KIF26B: variants seen among roughly 807,000 people sequenced by gnomAD.
KIF26B encodes kinesin family member 26B, also known as kinesin-like protein KIF26B.
KIF26B carries 63 observed loss-of-function variants against 151.2 expected under a neutral mutation model. The observed-to-expected ratio is 0.42, with a 90% CI of 0.34 to 0.51. The LOEUF (loss-of-function observed/expected upper bound fraction) is 0.51, where lower values mean the gene tolerates loss of function less well. Among genes scored for constraint, KIF26B ranks in the 20% least tolerant of loss-of-function variants. The pLI, the probability that KIF26B is intolerant of heterozygous loss-of-function variation, is 0.07. For synonymous variants in KIF26B, 1,357 were observed against 1,262.1 expected (o/e 1.08, Z -1.59); for missense variants, 2,813 against 2,913.6 (o/e 0.97, Z 0.79).
intron 5 of KIF26B, among the ~76,000 whole-genome samples, chr1:245,569,798 A>T (rs1234340020): frequency 6.7e-6 from 1 of 150,166 alleles, no homozygotes; most frequent in Non-Finnish European, 1.5e-5. Flanking sequence ...TCTCAAACAA[A>T]ACAAACAAAC....
chr1:245,173,656 C>T (rs981820982), intron 2 of KIF26B, among the ~76,000 whole-genome samples: 6 of 152,202 alleles, frequency 3.9e-5, no homozygotes, highest in African/African-American at 1.4e-4. Context: ...TCCTGCTCCC[C>T]GGCCTCCCTG....
In KIF26B at chr1:245,457,138, T is replaced by C. The variant is rs528318749; in HGVS notation, c.1166+37393T>C. ...GCCTCGGCCTCCCAAAGTGCTGGGA[T>C]TACAGGCATGAGCCACTGCACCCAG... On this transcript the variant is annotated intron_variant, in intron 4 of 14. Transcript: ENST00000407071. Among the ~76,000 whole-genome samples the C allele has an allele frequency of 1.8e-3, 272 of 152,274 alleles. 2 individuals carry two copies. Among genetic ancestry groups the C allele is most frequent in the Non-Finnish European group, 3.3e-3 (226 of 68,036 alleles).
At chr1:245,630,964 A>G (rs2043775016) in intron 9 of KIF26B, among the ~76,000 whole-genome samples, 1 of 152,136 alleles carries the variant, frequency 6.6e-6, no homozygotes, top group Admixed American at 6.5e-5. Context: ...GCTGGTGTGT[A>G]GAAACACTAC....
intron 3 of KIF26B, among the ~76,000 whole-genome samples, chr1:245,411,755 A>T (rs1023858789): frequency 6.6e-5 from 10 of 152,292 alleles, no homozygotes; most frequent in African/African-American, 2.4e-4. Flanking sequence ...GGGGATTGAG[A>T]CATATTCCTG....
chr1:245,201,602 A>T (rs1457341202), intron 2 of KIF26B, among the ~76,000 whole-genome samples: 1 of 152,230 alleles, frequency 6.6e-6, no homozygotes, highest in Non-Finnish European at 1.5e-5. Flanking sequence ...AATGACTTGT[A>T]ATTTCAGGTC....
chr1:245,495,000 A>C (rs746610667), intron 4 of KIF26B, among the ~76,000 whole-genome samples: 12 of 152,222 alleles, frequency 7.9e-5, no homozygotes, highest in Non-Finnish European at 1.8e-4. Context: ...ACTTCACTTC[A>C]GCCTGAGTGA....
At chr1:245,453,671 TG>T (rs2103054121) in intron 4 of KIF26B, among the ~76,000 whole-genome samples, 1 of 152,318 alleles carries the variant, frequency 6.6e-6, no homozygotes, top group African/African-American at 2.4e-5. Flanking sequence ...CAGTGTTATT[TG>T]TCGTAATACT....
At chr1:245,552,540 T>G (rs1469707715) in intron 5 of KIF26B, among the ~76,000 whole-genome samples, 1 of 152,110 alleles carries the variant, frequency 6.6e-6, no homozygotes, top group African/African-American at 2.4e-5. Flanking sequence ...CTGGTTTCCA[T>G]TCTGTTGCGA....
At chr1:245,656,156 A>G (rs2044070873) in intron 10 of KIF26B, among the ~76,000 whole-genome samples, 1 of 152,234 alleles carries the variant, frequency 6.6e-6, no homozygotes, top group Non-Finnish European at 1.5e-5. Flanking sequence ...CTTACAGTGT[A>G]GCAGGAATAC....
intron 4 of KIF26B, among the ~76,000 whole-genome samples, chr1:245,484,655 T>C (rs946518312): frequency 1.3e-5 from 2 of 152,128 alleles, no homozygotes; most frequent in Admixed American, 6.5e-5. Flanking sequence ...ATTGCAGATT[T>C]GGAGATTGTT....
At chr1:245,288,540 T>C (rs549561054) in intron 2 of KIF26B, among the ~76,000 whole-genome samples, 2 of 152,306 alleles carry the variant, frequency 1.3e-5, no homozygotes, top group East Asian at 3.9e-4. Flanking sequence ...GCCGTAAAGA[T>C]TGGGGGTCCA....
chr1:245,570,084 C>T (rs754365175), intron 5 of KIF26B, among the ~76,000 whole-genome samples: 2 of 151,368 alleles, frequency 1.3e-5, no homozygotes, highest in East Asian at 3.9e-4. Flanking sequence ...TACAGGCGCC[C>T]GCCACCACAC....
intron 3 of KIF26B, among the ~76,000 whole-genome samples, chr1:245,394,564 A>T (rs959058976): frequency 2.0e-5 from 3 of 152,180 alleles, no homozygotes; most frequent in Non-Finnish European, 2.9e-5. Context: ...CAGAGGTTGC[A>T]CAGAGCCAAG....
rs1483744277 is a variant in KIF26B, at chr1:245,261,488, TCTCTCTCTCTCTCTCCCTCC to T, written c.465+104809_465+104828del. ...TTCTTTCTCTCTCTCTCTCTCTCTC[TCTCTCTCTCTCTCTCCCTCC>T]CTCCCTCCCTCCCTCTCTCTCCCTC... On this transcript the variant is annotated intron_variant, in intron 2 of 14. Transcript: ENST00000407071. 8.4e-3 allele frequency among the ~76,000 whole-genome samples: 1,044 copies of T among 124,922 alleles called. 9 individuals carry two copies. Among genetic ancestry groups the T allele is most frequent in the East Asian group, 0.061 (279 of 4,604 alleles). The allele number at this position is 124,922 out of a possible 152,430, so 82.0% of individuals were successfully genotyped here. A position where few individuals can be genotyped will look rare whatever the true frequency, so the allele number is the denominator to read the frequency against.
rs1368601888 is a variant in KIF26B at position 245,685,901 on chromosome 1, C to T, written c.2918C>T (p.Pro973Leu). Residue 973 changes from proline (P) to leucine (L), a missense_variant, in exon 12 of 15, where the codon CCA becomes CTA. Physicochemically the swap from Pro to Leu is moderately conservative, Grantham distance 98. This residue lies in a region of KIF26B where 2,060 missense variants were observed against 2,088.6 expected (regional missense o/e 0.99). Transcript: ENST00000407071. ...PRLSQAAGAS[P>L]LSESDKEDNG... is the part of the protein sequence containing the mutation. ...TTAAGCCAAGCAGCGGGGGCAAGCC[C>T]ACTCTCTGAGTCTGATAAGGAAGAT... 3 of 1,613,110 alleles carry T rather than the reference C, an allele frequency of 1.9e-6. No homozygotes were observed. The highest frequency in any genetic ancestry group is 2.5e-6 in the Non-Finnish European group (3 of 1,179,770).
intron 10 of KIF26B, among the ~76,000 whole-genome samples, chr1:245,657,512 T>C (rs2044088044): frequency 6.6e-6 from 1 of 152,190 alleles, no homozygotes; most frequent in Non-Finnish European, 1.5e-5. Flanking sequence ...GCAAATCTGA[T>C]GTCTCTCAGT....
At chr1:245,481,249 A>C (rs570298646) in intron 4 of KIF26B, among the ~76,000 whole-genome samples, 4 of 152,030 alleles carry the variant, frequency 2.6e-5, no homozygotes, top group Non-Finnish European at 4.4e-5. Flanking sequence ...AAAGGGCCTC[A>C]TAACAGCTCT....
chr1:245,579,581 G>C (rs563663445), intron 5 of KIF26B, among the ~76,000 whole-genome samples: 27 of 152,196 alleles, frequency 1.8e-4, no homozygotes, highest in Admixed American at 6.5e-5. Flanking sequence ...AGGCTGAGGC[G>C]GGTGGATCAC....
intron 2 of KIF26B, among the ~76,000 whole-genome samples, chr1:245,182,964 C>T (rs952386911): frequency 6.6e-6 from 1 of 152,192 alleles, no homozygotes; most frequent in African/African-American, 2.4e-5. Context: ...ACTCTTTTCC[C>T]AAATGGCAGC....
Sources: allele counts gnomAD v4.1 joint callset (sites outside exome capture counted in the v4.1 genomes callset), GRCh38; gene constraint gnomAD v4.1.1; regional missense constraint gnomAD v4.1.1; transcripts MANE v1.5; gene names NCBI Gene and HGNC (gene_info 2026-07-23, HGNC 2026-07-21).